SLC14A2: variants seen among roughly 807,000 people sequenced by gnomAD.
SLC14A2 encodes solute carrier family 14 member 2, also known as urea transporter 2.
A neutral mutation model predicts 104.6 loss-of-function variants in SLC14A2; 91 were observed. The observed-to-expected ratio is 0.87, with a 90% CI of 0.73 to 1.04. SLC14A2 has a LOEUF of 1.04. Among genes scored for constraint, SLC14A2 ranks in the 50% least tolerant of loss-of-function variants. The pLI is 0.00. For missense variants in SLC14A2, 1,189 were observed against 1,156.0 expected, an observed-to-expected ratio of 1.03 and a Z score of -0.41; for synonymous variants, 476 against 466.4, an observed-to-expected ratio of 1.02 and a Z score of -0.27.
rs1406482489 is a variant in SLC14A2 at position 45,453,455 on chromosome 18, C to T, written c.-124-29778C>T. ...ATTAATGTCAAAAATTTATGATAAG[C>T]AAAGTATCAAAATGTTTAAATAAAG... is the stretch of plus-strand genomic sequence containing the variant. On this transcript the variant is annotated intron_variant, in intron 1 of 20. Transcript: ENST00000586448. 3.3e-5 allele frequency among the ~76,000 whole-genome samples: 5 copies of T among 152,208 alleles called. No individual in the cohort carries two copies. The East Asian group carries it at 9.7e-4, about 29-fold the overall frequency.
At chr18:45,603,338 G>A (rs373881533) in intron 2 of SLC14A2, among the ~76,000 whole-genome samples, 1 of 152,046 alleles carries the variant, frequency 6.6e-6, no homozygotes, top group Admixed American at 6.5e-5. Flanking sequence ...GAACATGCGT[G>A]TGGTTTCCCA....
chr18:45,240,177 A>G (rs1287302444), intron 1 of SLC14A2, among the ~76,000 whole-genome samples: 1 of 142,906 alleles, frequency 7.0e-6, no homozygotes, highest in Non-Finnish European at 1.5e-5. Context: ...GCTCACTGCA[A>G]CCTCTGCCTC....
intron 1 of SLC14A2, among the ~76,000 whole-genome samples, chr18:45,221,735 A>C (rs2084064142): frequency 6.6e-6 from 1 of 152,108 alleles, no homozygotes; most frequent in Non-Finnish European, 1.5e-5. Flanking sequence ...CTTCAACAGA[A>C]AACATGCAAA....
chr18:45,385,434 T>A (rs2085884950), intron 1 of SLC14A2, among the ~76,000 whole-genome samples: 1 of 152,126 alleles, frequency 6.6e-6, no homozygotes, highest in South Asian at 2.1e-4. Context: ...GGGATTCAAA[T>A]CAGCAGAAAG....
intron 1 of SLC14A2, among the ~76,000 whole-genome samples, chr18:45,331,281 A>G (rs1450694216): frequency 1.3e-5 from 2 of 152,238 alleles, no homozygotes; most frequent in Non-Finnish European, 2.9e-5. Flanking sequence ...ATACTAAATT[A>G]TTTTAAAACT....
chr18:45,435,606 A>T (rs111421583), intron 1 of SLC14A2, among the ~76,000 whole-genome samples: 4 of 152,304 alleles, frequency 2.6e-5, no homozygotes, highest in African/African-American at 9.6e-5. Flanking sequence ...GCACTGATGG[A>T]GTCCCTTTAA....
chr18:45,645,098 T>C (rs1264576540), intron 10 of SLC14A2, among the ~76,000 whole-genome samples: 2 of 152,186 alleles, frequency 1.3e-5, no homozygotes, highest in Non-Finnish European at 2.9e-5. Context: ...CTCCCACTTA[T>C]AAGTGAGAAC....
chr18:45,549,393 T>C (rs1033389997), intron 2 of SLC14A2, among the ~76,000 whole-genome samples: 4 of 152,210 alleles, frequency 2.6e-5, no homozygotes, highest in African/African-American at 4.8e-5. Context: ...GGAGGAAGGA[T>C]GGAGCAGCTG....
intron 2 of SLC14A2, among the ~76,000 whole-genome samples, chr18:45,564,693 T>C (rs959781133): frequency 6.6e-6 from 1 of 152,206 alleles, no homozygotes; most frequent in African/African-American, 2.4e-5. Context: ...TATCTCACTT[T>C]TGCCAGCTAC....
Position 45,229,790 on chromosome 18 carries a change from C to A in SLC14A2, c.-125+16599C>A, listed in dbSNP as rs148587938. ...TCCTGCTTACCAGTTCAAGGTCAAGCAACCTTATTTAATCTGGAAAGTTGC... is the reference window on the plus strand; with the variant it reads ...TCCTGCTTACCAGTTCAAGGTCAAGAAACCTTATTTAATCTGGAAAGTTGC... On this transcript the variant is annotated intron_variant, in intron 1 of 20. Transcript: ENST00000586448. Among the ~76,000 whole-genome samples, 227 of 152,278 alleles carry A rather than the reference C, an allele frequency of 1.5e-3. 1 individual carries two copies. Among genetic ancestry groups the A allele is most frequent in the African/African-American group, 5.3e-3 (221 of 41,570 alleles).
At chr18:45,649,070 C>G (rs2045681834) in intron 10 of SLC14A2, among the ~76,000 whole-genome samples, 1 of 152,134 alleles carries the variant, frequency 6.6e-6, no homozygotes, top group Admixed American at 6.5e-5. Context: ...ACTCGGGAGG[C>G]TGAGGCAGGA....
chr18:45,653,805 A>C (rs1382122914), intron 10 of SLC14A2, among the ~76,000 whole-genome samples: 1 of 152,160 alleles, frequency 6.6e-6, no homozygotes, highest in Non-Finnish European at 1.5e-5. Flanking sequence ...GCTGTGCAGA[A>C]ATTTCCATTC....
At chr18:45,545,901 T>C (rs2043961327) in intron 2 of SLC14A2, among the ~76,000 whole-genome samples, 1 of 152,252 alleles carries the variant, frequency 6.6e-6, no homozygotes, top group African/African-American at 2.4e-5. Context: ...TTTAAACAGC[T>C]ATTAAGTTGT....
chr18:45,209,317 T>C (rs1384078401), upstream of SLC14A2, among the ~76,000 whole-genome samples: 3 of 151,998 alleles, frequency 2.0e-5, no homozygotes, highest in Non-Finnish European at 2.9e-5. Context: ...CTCTCCAGCC[T>C]GGGCAACAGA....
chr18:45,574,768 T>C (rs544356591), intron 2 of SLC14A2, among the ~76,000 whole-genome samples: 15 of 152,376 alleles, frequency 9.8e-5, no homozygotes, highest in Admixed American at 1.3e-4. Context: ...CTCAGAATTC[T>C]CAGCTTTCTG....
chr18:45,340,010 T>TAAGAGCATCCAAGCAGTA (rs2085377659), intron 1 of SLC14A2, among the ~76,000 whole-genome samples: 1 of 152,222 alleles, frequency 6.6e-6, no homozygotes, highest in Non-Finnish European at 1.5e-5. Context: ...CATCAGATAT[T>TAAGAGCATCCAAGCAGTA]AGAGCATAGC....
intron 1 of SLC14A2, among the ~76,000 whole-genome samples, chr18:45,269,818 G>A (rs1476821014): frequency 1.3e-5 from 2 of 152,138 alleles, no homozygotes; most frequent in Admixed American, 1.3e-4. Context: ...CCAACTGTAT[G>A]AAACAAAGCT....
intron 2 of SLC14A2, among the ~76,000 whole-genome samples, chr18:45,508,009 C>T (rs988990792): frequency 6.6e-6 from 1 of 152,198 alleles, no homozygotes; most frequent in African/African-American, 2.4e-5. Flanking sequence ...ATAATGCAAG[C>T]TTAAAATAGA....
At chr18:45,251,476 G>A (rs1336345797) in intron 1 of SLC14A2, among the ~76,000 whole-genome samples, 1 of 152,136 alleles carries the variant, frequency 6.6e-6, no homozygotes, top group Non-Finnish European at 1.5e-5. Flanking sequence ...CACAACCTCG[G>A]TAGTGTATTG....
Sources: allele counts gnomAD v4.1 joint callset (sites outside exome capture counted in the v4.1 genomes callset), GRCh38; gene constraint gnomAD v4.1.1; transcripts MANE v1.5; gene names NCBI Gene and HGNC (gene_info 2026-07-23, HGNC 2026-07-21).